The following CEP85 variants were observed in gnomAD, a reference collection of about 807,000 sequenced individuals.
The protein encoded by CEP85 is centrosomal protein 85.
CEP85 carries 58 observed loss-of-function variants against 93.7 expected under a neutral mutation model. The ratio of observed to expected loss-of-function variants is 0.62; its 90% CI spans 0.50 to 0.77. CEP85 has a LOEUF of 0.77. CEP85 is among the 30% of genes least tolerant of loss of function. The probability of loss-of-function intolerance (pLI) is 0.00; values close to 1 mark genes in which losing one functional copy is unlikely to be tolerated. For synonymous variants in CEP85, 314 were observed against 338.6 expected (o/e 0.93, Z 0.80); for missense variants, 868 against 922.0 (o/e 0.94, Z 0.76).
chr1:26,262,125 G>A (rs796198626), intron 7 of CEP85, among the ~76,000 whole-genome samples: 3 of 152,270 alleles, frequency 2.0e-5, no homozygotes, highest in African/African-American at 7.2e-5. Flanking sequence ...GGCCAACATG[G>A]TGAAACCCCA....
intron 10 of CEP85, 110 bp downstream of exon 10, chr1:26,271,217 A>C: frequency 1.6e-6 from 1 of 636,696 alleles, no homozygotes. Context: ...AGGATTTGTT[A>C]CCAAGAGCTT....
intron 1 of CEP85, among the ~76,000 whole-genome samples, chr1:26,235,540 A>AAGCG (rs2089311478): frequency 1.3e-5 from 2 of 148,488 alleles, no homozygotes; most frequent in African/African-American, 5.0e-5. Flanking sequence ...GCTGCCAAGC[A>AAGCG]TGATGTTCCA....
intron 2 of CEP85, among the ~76,000 whole-genome samples, chr1:26,242,010 C>T (rs1459954595): frequency 6.6e-6 from 1 of 152,026 alleles, no homozygotes; most frequent in East Asian, 1.9e-4. Context: ...AATCTGCCCA[C>T]CCCCGCCTCC....
At chr1:26,238,028 A>G (rs951191860) in intron 1 of CEP85, among the ~76,000 whole-genome samples, 2 of 151,698 alleles carry the variant, frequency 1.3e-5, no homozygotes, top group African/African-American at 4.8e-5. Context: ...TTTCTATTGT[A>G]GATGCAGTGA....
intron 8 of CEP85, 41 bp downstream of exon 8, chr1:26,268,676 T>A (rs1419453947): frequency 4.5e-6 from 7 of 1,549,656 alleles, no homozygotes; most frequent in Non-Finnish European, 6.1e-6. Flanking sequence ...GATCAGGGAG[T>A]GGCCAGGCAG....
intron 11 of CEP85, chr1:26,272,418 A>G (rs1570044998): frequency 7.2e-6 from 2 of 278,922 alleles, no homozygotes; most frequent in East Asian, 1.3e-4. Flanking sequence ...GATTCCAGAT[A>G]GGAGGAACAG....
At chr1:26,256,537 T>A (rs1446870496) in intron 4 of CEP85, among the ~76,000 whole-genome samples, 2 of 150,904 alleles carry the variant, frequency 1.3e-5, no homozygotes, top group East Asian at 3.9e-4. Context: ...TCTCAAAAAA[T>A]AAATAAATAA....
chr1:26,274,976 G>T lies in CEP85; in HGVS notation c.1807G>T (p.Glu603Ter). The change falls in exon 12 of 14, where the codon GAA (glutamate) becomes TAA (stop). Residue 603 changes from glutamate to a stop codon, truncating the protein, a stop_gained. Coordinates refer to ENST00000451429, the MANE Select transcript of CEP85 (RefSeq NM_001319944.2). LOFTEE classifies it high-confidence loss of function. ...CTGTGTGATTCAGAGCCTAGAGCAG[G>T]AAGTGGCTCAAGAAGAAGGAACAAG... ...LRSQVQSLEQ[E>*]VAQEEGTSQA... 1 of 1,572,930 alleles carries T rather than the reference G, an allele frequency of 6.4e-7. No homozygotes were observed. The highest frequency in any genetic ancestry group is 1.2e-5 in the South Asian group (1 of 85,280).
At chr1:26,248,521 A>G (rs889523422) in intron 3 of CEP85, among the ~76,000 whole-genome samples, 4 of 151,910 alleles carry the variant, frequency 2.6e-5, no homozygotes, top group Non-Finnish European at 5.9e-5. Context: ...TTTTCGAGAC[A>G]GAGTCGCTCT....
At chr1:26,264,389 T>C (rs1027164928) in intron 7 of CEP85, among the ~76,000 whole-genome samples, 1 of 152,144 alleles carries the variant, frequency 6.6e-6, no homozygotes, top group South Asian at 2.1e-4. Context: ...AAAAATTAGC[T>C]GGGCATGGTG....
At chr1:26,264,385 T>G (rs1429774954) in intron 7 of CEP85, among the ~76,000 whole-genome samples, 1 of 152,084 alleles carries the variant, frequency 6.6e-6, no homozygotes, top group Non-Finnish European at 1.5e-5. Context: ...ATACAAAAAT[T>G]AGCTGGGCAT....
chr1:26,259,980 C>A (rs986082684), intron 7 of CEP85, among the ~76,000 whole-genome samples, 178 bp downstream of exon 7: 2 of 152,110 alleles, frequency 1.3e-5, no homozygotes, highest in Non-Finnish European at 2.9e-5. Flanking sequence ...AACTCTCCTC[C>A]CTCCCTCATT....
At position 26,235,863 on chromosome 1, in the gene CEP85, C is replaced by T. The variant is rs538268397; in HGVS notation, c.-23+1553C>T. ...CTGGGATTACAGGCGTGAGCCACCACGCCCGGCCACACTTAGATTGTAATT... is the reference window on the plus strand; with the variant it reads ...CTGGGATTACAGGCGTGAGCCACCATGCCCGGCCACACTTAGATTGTAATT... On this transcript the variant is annotated intron_variant, in intron 1 of 13. Coordinates refer to ENST00000451429, the MANE Select transcript of CEP85 (RefSeq NM_001319944.2). Among the ~76,000 whole-genome samples, 113 of 152,310 alleles carry T rather than the reference C, an allele frequency of 7.4e-4. 1 individual carries two copies. Among genetic ancestry groups the T allele is most frequent in the African/African-American group, 2.5e-3 (105 of 41,552 alleles).
intron 3 of CEP85, among the ~76,000 whole-genome samples, chr1:26,250,847 C>T (rs11247884): frequency 0.17 from 24,891 of 148,664 alleles, 2,146 homozygotes; most frequent in Middle Eastern, 0.22. Flanking sequence ...CAGCATCTGG[C>T]GAAGGCTTTT....
intron 8 of CEP85, 27 bp from the exon 9 acceptor site, chr1:26,269,429 TTTGA>T (rs2089939767): frequency 6.2e-7 from 1 of 1,608,124 alleles, no homozygotes; most frequent in East Asian, 2.2e-5. Flanking sequence ...ACTTGGCTTA[TTTGA>T]CCTAAACATG....
intron 7 of CEP85, among the ~76,000 whole-genome samples, chr1:26,266,173 C>T (rs2089891952): frequency 6.6e-6 from 1 of 150,384 alleles, no homozygotes; most frequent in Non-Finnish European, 1.5e-5. Flanking sequence ...CACACCACTG[C>T]ACTCCAGCCT....
Position 26,255,286 on chromosome 1 carries a change from TAC to T in CEP85, c.327_328del (p.Pro110CysfsTer7). ...GGACCTCTCCTGCCAAGCCAAATTC[TAC>T]ACCTGTTGGACCCTCTTCCTCTAAA... Reference protein sequence around the residue: ...LGTSPAKPNSTPVGPSSSKLP... With the variant: ...LGTSPAKPNSXPVGPSSSKLP... On this transcript the variant is annotated frameshift_variant, in exon 4 of 14. Coordinates refer to ENST00000451429, the MANE Select transcript of CEP85 (RefSeq NM_001319944.2). LOFTEE classifies it high-confidence loss of function. 6.2e-7 allele frequency: 1 copy of T among 1,614,190 alleles called. No homozygotes were observed. Among genetic ancestry groups the T allele is most frequent in the Non-Finnish European group, 8.5e-7 (1 of 1,180,034 alleles).
intron 10 of CEP85, 110 bp from the exon 11 acceptor site, chr1:26,271,911 A>C: frequency 1.2e-6 from 1 of 856,638 alleles, no homozygotes; most frequent in South Asian, 1.4e-5. Flanking sequence ...TCCTGGTCTT[A>C]CTCTTAATGG....
In CEP85 at chr1:26,275,019, A is replaced by G; in HGVS notation, c.1850A>G (p.Glu617Gly). 1.3e-6 allele frequency: 2 copies of G among 1,587,408 alleles called. No homozygotes were observed. Among genetic ancestry groups the G allele is most frequent in the Non-Finnish European group, 1.7e-6 (2 of 1,166,794 alleles). Residue 617 changes from glutamate to glycine, a missense_variant, in exon 12 of 14, where the codon GAG becomes GGG. Glu to Gly is a moderately conservative substitution (Grantham distance 98). Coordinates refer to ENST00000451429, the MANE Select transcript of CEP85 (RefSeq NM_001319944.2). ...EEGTSQALRE[E>G]AQRRDSALQQ... ...GGAACAAGCCAGGCCCTGAGAGAGGAGGCCCAGCGAAGGGATTCAGCCCTG... is the reference window on the plus strand; with the variant it reads ...GGAACAAGCCAGGCCCTGAGAGAGGGGGCCCAGCGAAGGGATTCAGCCCTG...
Sources: allele counts gnomAD v4.1 joint callset (sites outside exome capture counted in the v4.1 genomes callset), GRCh38; gene constraint gnomAD v4.1.1; transcripts MANE v1.5; gene names NCBI Gene and HGNC (gene_info 2026-07-23, HGNC 2026-07-21).